Variants in CROT observed in about 807,000 individuals in gnomAD.
CROT encodes the protein carnitine O-octanoyltransferase.
In CROT, 84 loss-of-function variants were observed where a neutral mutation model predicts 89.2. That is an observed-to-expected ratio of 0.94 (90% confidence interval 0.79 to 1.13). The LOEUF (loss-of-function observed/expected upper bound fraction) is 1.13. CROT is among the 50% of genes most tolerant of loss of function. CROT has a pLI of 0.00. For missense variants in CROT, 711 were observed against 727.8 expected (o/e 0.98, Z 0.27); for synonymous variants, 212 against 239.5 (o/e 0.89, Z 1.06).
In CROT at chr7:87,375,960, A is replaced by G; in HGVS notation, c.876+7A>G. 1 of 1,525,662 alleles carries G rather than the reference A, an allele frequency of 6.6e-7. No homozygotes were observed. The highest frequency in any genetic ancestry group is 1.3e-5 in the South Asian group (1 of 79,300). The allele number at this position is 1,525,662 out of a possible 1,614,324, so 94.5% of individuals were successfully genotyped here. ...ACCAGAGGATTATTCTGAGGTACTT[A>G]ACTACCTTCTCTTTTTTTTTTTATT... On this transcript the variant is annotated splice_region_variant and intron_variant, in intron 9 of 17. Coordinates refer to ENST00000331536, the MANE Select transcript of CROT (RefSeq NM_021151.4).
At chr7:87,359,379 TA>T in intron 4 of CROT, 49 bp downstream of exon 4, 2 of 1,534,024 alleles carry the variant, frequency 1.3e-6, no homozygotes, top group South Asian at 1.3e-5. Context: ...GAATGATAAA[TA>T]AAAAGTGCAT....
chr7:87,354,826 G>A (rs542901833), intron 3 of CROT, among the ~76,000 whole-genome samples: 4 of 152,038 alleles, frequency 2.6e-5, no homozygotes, highest in African/African-American at 9.6e-5. Context: ...TTTTAACATC[G>A]GGGACCAAAA....
At chr7:87,361,707 T>C in intron 5 of CROT, 21 bp from the exon 6 acceptor site, 1 of 1,560,298 alleles carries the variant, frequency 6.4e-7, no homozygotes, top group Non-Finnish European at 8.6e-7. Flanking sequence ...GACTTTTTGA[T>C]CAAAATCCTT....
intron 8 of CROT, 39 bp from the exon 9 acceptor site, chr7:87,375,789 T>G: frequency 2.5e-6 from 4 of 1,612,720 alleles, no homozygotes; most frequent in Non-Finnish European, 3.4e-6. Flanking sequence ...GTATTGTATT[T>G]CAGTTGTAAT....
intron 3 of CROT, chr7:87,357,450 G>A: frequency 6.4e-7 from 1 of 1,550,842 alleles, no homozygotes; most frequent in South Asian, 1.2e-5. Flanking sequence ...TGGCCAATTA[G>A]TGCTGTGCAG....
In CROT at chr7:87,386,914, A is replaced by G. The variant is rs371629863; in HGVS notation, c.1301+4371A>G. ...AAAGATGCTTCCCTTAGGTTGAAGCAGGAATGATTTTTCTGTGAAGGAACC... is the reference window on the plus strand; with the variant it reads ...AAAGATGCTTCCCTTAGGTTGAAGCGGGAATGATTTTTCTGTGAAGGAACC... On this transcript the variant is annotated intron_variant, in intron 13 of 17. Transcript: ENST00000331536. Among the ~76,000 whole-genome samples, 17 of 152,262 alleles carry G rather than the reference A, an allele frequency of 1.1e-4. No homozygotes were observed. The East Asian group carries it at 2.3e-3, about 21-fold the overall frequency.
intron 13 of CROT, among the ~76,000 whole-genome samples, chr7:87,387,685 C>T (rs889773659): frequency 5.3e-5 from 8 of 152,150 alleles, no homozygotes; most frequent in Non-Finnish European, 1.0e-4. Flanking sequence ...GGCATGGTGG[C>T]TCACACCTGT....
Position 87,399,514 on chromosome 7 carries a change from C to T in CROT, c.*870C>T, listed in dbSNP as rs891874708. 2 of 152,174 alleles carry T rather than the reference C, an allele frequency of 1.3e-5. No homozygotes were observed. The highest frequency in any genetic ancestry group is 2.9e-5 in the Non-Finnish European group (2 of 68,028). 9.4% of individuals were successfully genotyped at this position (152,174 alleles called of 1,614,324 possible). ...GAGAAAAATAACTCTTTTGAACAAA[C>T]AGACAAATTAGCTAGTAGTATGGAG... On this transcript the variant is annotated 3_prime_UTR_variant, in exon 18 of 18. Coordinates refer to ENST00000331536, the MANE Select transcript of CROT (RefSeq NM_021151.4).
chr7:87,384,427 G>A lies in CROT; in HGVS notation c.1301+1884G>A, dbSNP rs546373976. Among the ~76,000 whole-genome samples, 8 of 152,286 alleles carry A rather than the reference G, an allele frequency of 5.3e-5. No individual in the cohort carries two copies. The South Asian group carries it at 1.7e-3, about 32-fold the overall frequency. On this transcript the variant is annotated intron_variant, in intron 13 of 17. Coordinates refer to ENST00000331536, the MANE Select transcript of CROT (RefSeq NM_021151.4). ...CATATCTGTACCTCTACCTACTCAG[G>A]AGGCTGAGGCACGAGAATCCCTTGA...
intron 4 of CROT, chr7:87,359,676 G>A: frequency 9.5e-7 from 1 of 1,056,348 alleles, no homozygotes; most frequent in Non-Finnish European, 1.1e-6. Flanking sequence ...TGAAAAATCA[G>A]AAACACTAAA....
At chr7:87,395,465 C>G (rs1334703280) in intron 17 of CROT, among the ~76,000 whole-genome samples, 1 of 152,196 alleles carries the variant, frequency 6.6e-6, no homozygotes, top group Non-Finnish European at 1.5e-5. Context: ...TATTAACCAT[C>G]ACAAGAAGCA....
chr7:87,368,293 C>G (rs1584631546), intron 6 of CROT, among the ~76,000 whole-genome samples: 2 of 152,266 alleles, frequency 1.3e-5, no homozygotes, highest in Non-Finnish European at 2.9e-5. Flanking sequence ...CCTTTCCAAC[C>G]ATTTATTGAT....
rs754221622 is a variant in CROT, at chr7:87,375,964, A to G, written c.876+11A>G. On this transcript the variant is annotated intron_variant, in intron 9 of 17. Transcript: ENST00000331536. ...GAGGATTATTCTGAGGTACTTAACT[A>G]CCTTCTCTTTTTTTTTTTATTGCAG... 6.8e-7 allele frequency: 1 copy of G among 1,474,912 alleles called. No homozygotes were observed. Among genetic ancestry groups the G allele is most frequent in the Non-Finnish European group, 9.0e-7 (1 of 1,115,140 alleles). 91.4% of individuals were successfully genotyped at this position (1,474,912 alleles called of 1,614,324 possible). A position where few individuals can be genotyped will look rare whatever the true frequency, so the allele number is the denominator to read the frequency against.
At chr7:87,357,219 A>G (rs1806107878) in intron 3 of CROT, among the ~76,000 whole-genome samples, 1 of 152,148 alleles carries the variant, frequency 6.6e-6, no homozygotes, top group Admixed American at 6.5e-5. Context: ...GATGAGAAGT[A>G]TAGCTTTCCC....
chr7:87,366,359 A>G (rs190198087), intron 6 of CROT, among the ~76,000 whole-genome samples: 17 of 149,262 alleles, frequency 1.1e-4, no homozygotes, highest in East Asian at 2.0e-4. Context: ...CTTTTTGGGG[A>G]AAAAAAAATG....
chr7:87,394,555 T>TA (rs58160892), intron 17 of CROT, among the ~76,000 whole-genome samples: 115,957 of 148,616 alleles, frequency 0.78, 45,246 homozygotes, highest in Middle Eastern at 0.86. Context: ...AAGTACTATT[T>TA]AAAAAAAAAA....
intron 7 of CROT, among the ~76,000 whole-genome samples, chr7:87,371,774 T>G (rs1330490975): frequency 2.0e-5 from 3 of 152,028 alleles, no homozygotes; most frequent in Non-Finnish European, 4.4e-5. Flanking sequence ...GAGGATCACT[T>G]AAGGCCAAGA....
chr7:87,382,793 T>C (rs73394189), intron 13 of CROT, among the ~76,000 whole-genome samples: 3,666 of 152,282 alleles, frequency 0.024, 148 homozygotes, highest in African/African-American at 0.081. Context: ...TGAAAGAGGA[T>C]TGGTCATCTT....
chr7:87,355,895 T>C (rs1362478444), intron 3 of CROT, among the ~76,000 whole-genome samples: 2 of 152,236 alleles, frequency 1.3e-5, no homozygotes, highest in African/African-American at 2.4e-5. Flanking sequence ...CACTCACCTA[T>C]ACATGAATCC....
Sources: gnomAD v4.1 joint callset for allele counts (sites outside exome capture counted in the v4.1 genomes callset) on GRCh38, gnomAD v4.1.1 for gene constraint, MANE v1.5 for transcripts, NCBI Gene and HGNC (gene_info 2026-07-23, HGNC 2026-07-21) for gene names.